DDAH1: variants seen among roughly 807,000 people sequenced by gnomAD.
The protein encoded by DDAH1 is N(G),N(G)-dimethylarginine dimethylaminohydrolase 1.
A neutral mutation model predicts 28.8 loss-of-function variants in DDAH1; 19 were observed. The observed-to-expected ratio is 0.66, with a 90% CI of 0.46 to 0.97. DDAH1 has a LOEUF of 0.97. Ranked by LOEUF, DDAH1 falls within the 50% of genes least tolerant of loss-of-function variation. DDAH1 has a pLI of 0.00. For synonymous variants in DDAH1, 153 were observed against 154.4 expected (o/e 0.99, Z 0.07); for missense variants, 326 against 375.9 (o/e 0.87, Z 1.10).
At chr1:85,384,600 G>A (rs1471992330) in intron 1 of DDAH1, among the ~76,000 whole-genome samples, 1 of 152,192 alleles carries the variant, frequency 6.6e-6, no homozygotes, top group Non-Finnish European at 1.5e-5. Flanking sequence ...TACAGCAAAA[G>A]AAAAATTCCT....
intron 4 of DDAH1, among the ~76,000 whole-genome samples, chr1:85,330,864 G>GA (rs1647719780): frequency 6.6e-6 from 1 of 152,186 alleles, no homozygotes; most frequent in Non-Finnish European, 1.5e-5. Flanking sequence ...ATGCCTTCAG[G>GA]AGATGAAAAG....
intron 1 of DDAH1, among the ~76,000 whole-genome samples, chr1:85,498,139 C>T (rs963139361): frequency 6.6e-6 from 1 of 152,186 alleles, no homozygotes; most frequent in Non-Finnish European, 1.5e-5. Flanking sequence ...CCCTTCCTCT[C>T]TAAGCATCCT....
chr1:85,541,605 T>C (rs1256629366), intron 1 of DDAH1, among the ~76,000 whole-genome samples: 1 of 152,232 alleles, frequency 6.6e-6, no homozygotes, highest in Non-Finnish European at 1.5e-5. Flanking sequence ...CTAAAACCCT[T>C]CATTTGGGTG....
chr1:85,470,082 A>G (rs1462096544), upstream of DDAH1, among the ~76,000 whole-genome samples: 1 of 152,206 alleles, frequency 6.6e-6, no homozygotes, highest in Non-Finnish European at 1.5e-5. Flanking sequence ...TTCTTACTCC[A>G]TTTTAGCAGA....
intron 4 of DDAH1, among the ~76,000 whole-genome samples, chr1:85,337,525 C>T (rs546950890): frequency 7.8e-4 from 119 of 151,618 alleles, no homozygotes; most frequent in Middle Eastern, 3.4e-3. Flanking sequence ...ACTATCTTGG[C>T]TCACTGCAAC....
chr1:85,318,850 A>G lies in DDAH1; in HGVS notation c.*2602T>C, dbSNP rs911750706. 9 of 152,334 alleles carry G rather than the reference A, an allele frequency of 5.9e-5. No individual in the cohort carries two copies. Among genetic ancestry groups the G allele is most frequent in the African/African-American group, 2.2e-4 (9 of 41,456 alleles). The allele number at this position is 152,334 out of a possible 1,614,324, so 9.4% of individuals were successfully genotyped here. ...TTCAGAGTAGCTGAAAAGACCAATC[A>G]ATACACATTAGAAAGATCTGCCTGA... On this transcript the variant is annotated 3_prime_UTR_variant, in exon 6 of 6. Coordinates refer to ENST00000284031, the MANE Select transcript of DDAH1 (RefSeq NM_012137.4).
intron 2 of DDAH1, among the ~76,000 whole-genome samples, chr1:85,480,906 T>A (rs1655988963): frequency 6.6e-6 from 1 of 151,862 alleles, no homozygotes. Flanking sequence ...AAAATAATGT[T>A]TTAGTATGAT....
chr1:85,394,871 G>C (rs2100562827), intron 1 of DDAH1, among the ~76,000 whole-genome samples: 1 of 152,264 alleles, frequency 6.6e-6, no homozygotes, highest in Middle Eastern at 3.4e-3. Context: ...AAGTAAGTTA[G>C]AATACTGACC....
chr1:85,519,239 G>T (rs572651929), intron 1 of DDAH1, among the ~76,000 whole-genome samples: 11 of 151,962 alleles, frequency 7.2e-5, no homozygotes, highest in Admixed American at 2.0e-4. Flanking sequence ...GACTACAGGC[G>T]CCCGCCACCA....
chr1:85,496,285 C>A (rs905704986), intron 1 of DDAH1: 13 of 906,714 alleles, frequency 1.4e-5, no homozygotes, highest in Non-Finnish European at 1.7e-5. Flanking sequence ...GATGAAACTG[C>A]AAATGGAGAA....
intron 1 of DDAH1, among the ~76,000 whole-genome samples, chr1:85,444,163 C>A (rs1654329540): frequency 6.6e-6 from 1 of 152,018 alleles, no homozygotes; most frequent in South Asian, 2.1e-4. Flanking sequence ...GTCATAAATA[C>A]CTCTTATTAT....
intron 2 of DDAH1, among the ~76,000 whole-genome samples, chr1:85,471,592 C>T (rs1201772539): frequency 1.3e-5 from 2 of 152,206 alleles, no homozygotes; most frequent in African/African-American, 2.4e-5. Context: ...GCTTCTAGGA[C>T]ACAGTAAATA....
At chr1:85,538,360 T>A (rs1266196374) in intron 1 of DDAH1, among the ~76,000 whole-genome samples, 1 of 152,206 alleles carries the variant, frequency 6.6e-6, no homozygotes, top group African/African-American at 2.4e-5. Flanking sequence ...AAGTTCTATG[T>A]GAGAGGTGGC....
intron 1 of DDAH1, 41 bp from the exon 2 acceptor site, chr1:85,358,888 T>A: frequency 2.1e-6 from 3 of 1,461,344 alleles, no homozygotes; most frequent in Non-Finnish European, 2.8e-6. Flanking sequence ...TGCTACAATT[T>A]CCTAACAAGA....
rs558346570 is a variant in DDAH1, at chr1:85,570,327, T to C, written c.-123+7657A>G. On this transcript the variant is annotated intron_variant, in intron 1 of 6. Coordinates refer to the DDAH1 transcript ENST00000426972. ...TTCTCTCCCTTGCTTATTCCATACC[T>C]TTGATCCTTAACCTCCCTTCTCCAG... 3.6e-3 allele frequency among the ~76,000 whole-genome samples: 549 copies of C among 150,834 alleles called. 2 individuals carry two copies. Among genetic ancestry groups the C allele is most frequent in the Non-Finnish European group, 6.2e-3 (419 of 67,814 alleles).
intron 1 of DDAH1, among the ~76,000 whole-genome samples, chr1:85,559,049 T>A (rs1349696880): frequency 6.6e-6 from 1 of 152,220 alleles, no homozygotes; most frequent in African/African-American, 2.4e-5. Flanking sequence ...CAGTTTGACA[T>A]TATATATCAT....
intron 2 of DDAH1, among the ~76,000 whole-genome samples, chr1:85,470,994 G>A (rs185761079): frequency 1.4e-4 from 22 of 152,226 alleles, no homozygotes; most frequent in African/African-American, 4.8e-4. Flanking sequence ...CCCAAGACCC[G>A]TGTTTCACCA....
rs111502281 is a variant in DDAH1, at chr1:85,406,342, T to A, written c.304-47495A>T. On this transcript the variant is annotated intron_variant, in intron 1 of 5. Transcript: ENST00000284031. ...CTGGATCCAATAAACTTAAAAATAT[T>A]TTTTTAAGATACATTACATTTGGTT... is the stretch of plus-strand genomic sequence containing the variant. Among the ~76,000 whole-genome samples, 507 of 150,322 alleles carry A rather than the reference T, an allele frequency of 3.4e-3. 1 individual carries two copies. Among genetic ancestry groups the A allele is most frequent in the African/African-American group, 0.012 (486 of 39,686 alleles).
At position 85,336,721 on chromosome 1, in the gene DDAH1, C is replaced by T. The variant is rs544095960; in HGVS notation, c.598-11838G>A. ...AATGAAATAGAGTTAAAAAATAATA[C>T]TAAGGATCAATGAAACTAAAAGTTT... On this transcript the variant is annotated intron_variant, in intron 4 of 5. Transcript: ENST00000284031. Among the ~76,000 whole-genome samples, 20 of 151,744 alleles carry T rather than the reference C, an allele frequency of 1.3e-4. 1 individual carries two copies. In the East Asian group the frequency reaches 1.7e-3, roughly 13 times the overall value.
Sources: gnomAD v4.1 joint callset for allele counts (sites outside exome capture counted in the v4.1 genomes callset) on GRCh38, gnomAD v4.1.1 for gene constraint, MANE v1.5 for transcripts, NCBI Gene and HGNC (gene_info 2026-07-23, HGNC 2026-07-21) for gene names.